The following PON2 variants were observed in gnomAD, a reference collection of about 807,000 sequenced individuals.
PON2 encodes serum paraoxonase/arylesterase 2.
PON2 carries 27 observed loss-of-function variants against 36.6 expected under a neutral mutation model. The ratio of observed to expected loss-of-function variants is 0.74; its 90% CI spans 0.54 to 1.02. The LOEUF is 1.02. Ranked by LOEUF, PON2 falls within the 50% of genes least tolerant of loss-of-function variation. The probability of loss-of-function intolerance (pLI) is 0.00; values close to 1 mark genes in which losing one functional copy is unlikely to be tolerated. For synonymous variants in PON2, 149 were observed against 156.3 expected (o/e 0.95, Z 0.35); for missense variants, 363 against 421.1 (o/e 0.86, Z 1.21).
chr7:95,419,183 A>G (rs564350608), intron 2 of PON2, among the ~76,000 whole-genome samples: 2 of 152,206 alleles, frequency 1.3e-5, no homozygotes, highest in Non-Finnish European at 2.9e-5. Flanking sequence ...AAGGTCCCAC[A>G]CATTTCAATT....
chr7:95,410,173 A>G lies in PON2; in HGVS notation c.495-72T>C, dbSNP rs17876150. 2,487 of 1,251,614 alleles carry G rather than the reference A, an allele frequency of 2.0e-3. 39 individuals carry two copies. The African/African-American group carries it at 0.03, about 15-fold the overall frequency. The allele number at this position is 1,251,614 out of a possible 1,614,324, so 77.5% of individuals were successfully genotyped here. ...TCTCCATATTAAATATTAAGTACTCATAAGATTTATGCAACATGTGCTTTA... is the reference window on the plus strand; with the variant it reads ...TCTCCATATTAAATATTAAGTACTCGTAAGATTTATGCAACATGTGCTTTA... On this transcript the variant is annotated intron_variant, in intron 5 of 8. Transcript: ENST00000222572.
At chr7:95,428,359 C>T (rs963531510) in intron 1 of PON2, among the ~76,000 whole-genome samples, 1 of 152,086 alleles carries the variant, frequency 6.6e-6, no homozygotes, top group Non-Finnish European at 1.5e-5. Flanking sequence ...AGTCCAGTGA[C>T]CAAGGAATCC....
intron 2 of PON2, among the ~76,000 whole-genome samples, chr7:95,419,424 C>T (rs1789143463): frequency 6.6e-6 from 1 of 152,156 alleles, no homozygotes; most frequent in Non-Finnish European, 1.5e-5. Context: ...AATGGCACAG[C>T]GTAGCATGAC....
In PON2 at chr7:95,410,026, T is replaced by G; in HGVS notation, c.570A>C (p.Leu190Phe). The change falls in exon 6 of 9, where the codon TTA becomes TTC. Residue 190 changes from leucine (L) to phenylalanine (F), a missense_variant. Physicochemically the swap from Leu to Phe is conservative, Grantham distance 22. Transcript: ENST00000222572. ...TNDHYFSDPFLKYLETYLNLH... is the reference protein window; with the variant it reads ...TNDHYFSDPFFKYLETYLNLH... ...AGTTCAAGTATGTTTCTAAATACTT[T>G]AAGAAAGGATCAGAGAAGTAGTGGT... The G allele has an allele frequency of 6.2e-7, 1 of 1,613,630 alleles. No homozygotes were observed.
rs762159807 is a variant in PON2, at chr7:95,416,289, A to C, written c.154T>G (p.Ser52Ala). The C allele has an allele frequency of 1.9e-6, 3 of 1,613,830 alleles. No homozygotes were observed. The South Asian group carries it at 3.3e-5, about 18-fold the overall frequency. ...CHLIKGIEAG[S>A]EDIDILPNGL... The stretch of plus-strand genomic sequence containing the variant: ...TTGGGAAGTATGTCAATATCTTCAG[A>C]GCCAGCTTCTGTAAGTTTAAGGAAC... The change falls in exon 3 of 9, where the codon TCT becomes GCT. Residue 52 changes from serine (S) to alanine (A), a missense_variant. By Grantham distance (99) the Ser-to-Ala change is moderately conservative. Coordinates refer to ENST00000222572, the MANE Select transcript of PON2 (RefSeq NM_000305.3).
chr7:95,416,036 TAAA>T, intron 3 of PON2: 1 of 845,770 alleles, frequency 1.2e-6, no homozygotes, highest in South Asian at 1.8e-5. Context: ...AATGGGGAAA[TAAA>T]GAACACTATC....
chr7:95,413,391 G>A (rs747978136), intron 3 of PON2, among the ~76,000 whole-genome samples: 1 of 152,170 alleles, frequency 6.6e-6, no homozygotes, highest in African/African-American at 2.4e-5. Context: ...ATTACTGATG[G>A]TTGTGGTGTT....
chr7:95,426,265 G>GAA (rs1789314021), intron 1 of PON2, among the ~76,000 whole-genome samples: 2 of 104,214 alleles, frequency 1.9e-5, no homozygotes, highest in African/African-American at 3.5e-5. Flanking sequence ...TTATAAAACA[G>GAA]AGAGAGAAAA....
At chr7:95,412,246 C>T (rs1021588167) in intron 4 of PON2, 66 bp downstream of exon 4, 1 of 1,570,730 alleles carries the variant, frequency 6.4e-7, no homozygotes, top group African/African-American at 1.4e-5. Flanking sequence ...TGATCCAAAT[C>T]TATTTTTCAC....
chr7:95,428,349 A>G (rs1789362689), intron 1 of PON2, among the ~76,000 whole-genome samples: 1 of 152,172 alleles, frequency 6.6e-6, no homozygotes, highest in Non-Finnish European at 1.5e-5. Flanking sequence ...ACCCCTATGG[A>G]GTCCAGTGAC....
At position 95,412,555 on chromosome 7, in the gene PON2, GATAA is replaced by G. The variant is rs1379711293; in HGVS notation, c.202-82_202-79del. 2.8e-5 allele frequency: 40 copies of G among 1,419,422 alleles called. No individual in the cohort carries two copies. The East Asian group carries it at 9.1e-4, about 32-fold the overall frequency. 87.9% of individuals were successfully genotyped at this position (1,419,422 alleles called of 1,614,324 possible). A position where few individuals can be genotyped will look rare whatever the true frequency, so the allele number is the denominator to read the frequency against. On this transcript the variant is annotated intron_variant, in intron 3 of 8. Transcript: ENST00000222572. Reference sequence around the variant, plus strand: ...ACTAACATGGGAACTGTACATGAAGGATAAATAGAGATTGTGGTTAAAGTAGTGG... The same window carrying G: ...ACTAACATGGGAACTGTACATGAAGGATAGAGATTGTGGTTAAAGTAGTGG...
At position 95,424,594 on chromosome 7, in the gene PON2, A is replaced by T. The variant is rs746966456; in HGVS notation, c.75-9T>A. 2 of 1,610,812 alleles carry T rather than the reference A, an allele frequency of 1.2e-6. No homozygotes were observed. Among genetic ancestry groups the T allele is most frequent in the Non-Finnish European group, 1.7e-6 (2 of 1,178,172 alleles). On this transcript the variant is annotated splice_polypyrimidine_tract_variant and intron_variant, in intron 1 of 8. Transcript: ENST00000222572. ...AGGCTTTAAGTCGATTTCTGTTACA[A>T]AGAAAAAAAAACAAAAAACAAAAAA...
rs767952901 is a variant in PON2, at chr7:95,424,550, A to G, written c.110T>C (p.Val37Ala). 1 of 1,613,600 alleles carries G rather than the reference A, an allele frequency of 6.2e-7. No individual in the cohort carries two copies. Among genetic ancestry groups the G allele is most frequent in the Non-Finnish European group, 8.5e-7 (1 of 1,179,702 alleles). The change falls in exon 2 of 9, where the codon GTA (valine) becomes GCA (alanine). Residue 37 changes from valine to alanine, a missense_variant. By Grantham distance (64) the Val-to-Ala change is moderately conservative (BLOSUM62 0). Coordinates refer to ENST00000222572, the MANE Select transcript of PON2 (RefSeq NM_000305.3). ...AATCAGGTGGCAGTGTGGAAGGTCT[A>G]CAGATTCTACTTCTCTGGAGGCTTT... Reference protein sequence around the residue: ...RLKASREVESVDLPHCHLIKG... With the variant: ...RLKASREVESADLPHCHLIKG...
At chr7:95,434,742 A>T in intron 1 of PON2, 136 bp downstream of exon 1, 1 of 894,728 alleles carries the variant, frequency 1.1e-6, no homozygotes, top group Non-Finnish European at 1.6e-6. Context: ...GAGGGACAGC[A>T]TTCAAAAATT....
At chr7:95,429,709 G>C (rs1388808315) in intron 1 of PON2, among the ~76,000 whole-genome samples, 1 of 152,186 alleles carries the variant, frequency 6.6e-6, no homozygotes, top group Non-Finnish European at 1.5e-5. Flanking sequence ...ATACTTCTCT[G>C]CTTTTGAAAT....
intron 1 of PON2, among the ~76,000 whole-genome samples, chr7:95,430,307 A>C (rs1768241020): frequency 6.6e-6 from 1 of 151,344 alleles, no homozygotes; most frequent in South Asian, 2.1e-4. Context: ...CTCTACAAAA[A>C]AATTTTTTTG....
chr7:95,419,600 T>C (rs933831156), intron 2 of PON2, among the ~76,000 whole-genome samples: 5 of 152,172 alleles, frequency 3.3e-5, no homozygotes, highest in African/African-American at 9.7e-5. Context: ...AACACAGCTA[T>C]AGATAACATT....
In PON2 at chr7:95,429,725, T is replaced by C. The variant is rs78996324; in HGVS notation, c.75-5140A>G. Among the ~76,000 whole-genome samples the C allele has an allele frequency of 2.7e-3, 405 of 152,332 alleles. 1 individual carries two copies. The highest frequency in any genetic ancestry group is 9.3e-3 in the African/African-American group (388 of 41,580). Reference sequence around the variant, plus strand: ...TACTTCTCTGCTTTTGAAATTTACATACAACTGCTGGGGCTTTATCTCCTA... The same window carrying C: ...TACTTCTCTGCTTTTGAAATTTACACACAACTGCTGGGGCTTTATCTCCTA... On this transcript the variant is annotated intron_variant, in intron 1 of 8. Coordinates refer to ENST00000222572, the MANE Select transcript of PON2 (RefSeq NM_000305.3).
intron 3 of PON2, among the ~76,000 whole-genome samples, chr7:95,414,864 C>G (rs1789024287): frequency 1.3e-5 from 2 of 152,152 alleles, no homozygotes; most frequent in Admixed American, 1.3e-4. Flanking sequence ...ATTTTAAAAA[C>G]TAAATACATA....
Sources: allele counts gnomAD v4.1 joint callset (sites outside exome capture counted in the v4.1 genomes callset), GRCh38; gene constraint gnomAD v4.1.1; transcripts MANE v1.5; gene names NCBI Gene and HGNC (gene_info 2026-07-23, HGNC 2026-07-21).